CSNK2A1: variants seen among roughly 807,000 people sequenced by gnomAD.
The protein encoded by CSNK2A1 is casein kinase II subunit alpha.
Under a neutral mutation model 62.9 loss-of-function variants are expected in CSNK2A1, and 10 were observed. That is an observed-to-expected ratio of 0.16 (90% confidence interval 0.10 to 0.27). CSNK2A1 has a LOEUF of 0.27. CSNK2A1 is among the 10% of genes least tolerant of loss of function. The probability of loss-of-function intolerance (pLI) is 1.00; values close to 1 mark genes in which losing one functional copy is unlikely to be tolerated. For synonymous variants in CSNK2A1, 124 were observed against 167.8 expected, an observed-to-expected ratio of 0.74 and a Z score of 2.02; for missense variants, 160 against 492.0, an observed-to-expected ratio of 0.33 and a Z score of 6.38.
chr20:523,821 T>C (rs1235908566), intron 2 of CSNK2A1, among the ~76,000 whole-genome samples: 2 of 130,172 alleles, frequency 1.5e-5, no homozygotes, highest in Non-Finnish European at 3.1e-5. Flanking sequence ...ATCACGCCAA[T>C]GCACTCCAGC....
At chr20:505,979 A>C (rs555048122) in intron 3 of CSNK2A1, 1 of 138,914 alleles carries the variant, frequency 7.2e-6, no homozygotes, top group Non-Finnish European at 1.5e-5. Flanking sequence ...GGTTCACGCC[A>C]TTCTCCTGCC....
chr20:517,153 C>T (rs975868917), intron 2 of CSNK2A1, among the ~76,000 whole-genome samples: 1 of 152,200 alleles, frequency 6.6e-6, no homozygotes, highest in Admixed American at 6.5e-5. Flanking sequence ...ACTTTTCTAC[C>T]TTGCTACAGA....
chr20:487,185 G>C, intron 12 of CSNK2A1: 4 of 553,922 alleles, frequency 7.2e-6, no homozygotes, highest in Non-Finnish European at 1.3e-5. Context: ...GCACTGAGAA[G>C]TGTCATCCTC....
chr20:535,756 A>G (rs956472252), intron 1 of CSNK2A1, among the ~76,000 whole-genome samples: 1 of 152,096 alleles, frequency 6.6e-6, no homozygotes, highest in South Asian at 2.1e-4. Context: ...AAAAAAAAAA[A>G]AAGTTTTAAA....
At chr20:539,798 T>C (rs2019409881) in intron 1 of CSNK2A1, 1 of 152,212 alleles carries the variant, frequency 6.6e-6, no homozygotes. Flanking sequence ...CCAAATCTCA[T>C]TCATCTATTC....
rs2017978744 is a variant in CSNK2A1, at chr20:482,770, T to A, written c.*1191A>T. On this transcript the variant is annotated 3_prime_UTR_variant, in exon 14 of 14. Transcript: ENST00000217244. The stretch of plus-strand genomic sequence containing the variant: ...TCTTTCACATATGAAGGACAAAGTA[T>A]TATATATATACACACAGCAAGGGGT... The A allele has an allele frequency of 6.6e-6, 1 of 152,604 alleles. No individual in the cohort carries two copies. 9.5% of individuals were successfully genotyped at this position (152,604 alleles called of 1,614,324 possible). A position where few individuals can be genotyped will look rare whatever the true frequency, so the allele number is the denominator to read the frequency against.
intron 12 of CSNK2A1, 120 bp from the exon 13 acceptor site, chr20:486,582 C>A: frequency 9.7e-7 from 1 of 1,025,812 alleles, no homozygotes; most frequent in Non-Finnish European, 1.4e-6. Context: ...CATTATTCCC[C>A]AAAGAACTTA....
At chr20:488,650 G>A in intron 11 of CSNK2A1, 28 bp downstream of exon 11, 2 of 1,604,074 alleles carry the variant, frequency 1.2e-6, no homozygotes, top group Non-Finnish European at 1.7e-6. Context: ...TTAAGCCACA[G>A]ATGCACATAT....
chr20:538,492 T>C lies in CSNK2A1; in HGVS notation c.-227+5180A>G, dbSNP rs183393016. On this transcript the variant is annotated intron_variant, in intron 1 of 13. Coordinates refer to ENST00000217244, the MANE Select transcript of CSNK2A1 (RefSeq NM_177559.3). ...ATAACTCAAAAGAAATGGTCTCACT[T>C]CCTTCATCCTCTGACTAAAGTTTAG... 2.3e-3 allele frequency among the ~76,000 whole-genome samples: 356 copies of C among 152,374 alleles called. 2 individuals are homozygous for C. Among genetic ancestry groups the C allele is most frequent in the African/African-American group, 8.1e-3 (335 of 41,598 alleles).
intron 6 of CSNK2A1, chr20:498,195 T>C (rs1463223422): frequency 6.0e-6 from 1 of 165,666 alleles, no homozygotes; most frequent in Non-Finnish European, 1.3e-5. Flanking sequence ...CCAGTGGGTA[T>C]GCAGATGGCA....
Position 511,168 on chromosome 20 carries a change from A to C in CSNK2A1, c.-109-2508T>G, listed in dbSNP as rs551645514. Among the ~76,000 whole-genome samples the C allele has an allele frequency of 2.1e-3, 318 of 152,062 alleles. 5 individuals carry two copies. The highest frequency in any genetic ancestry group is 7.2e-3 in the African/African-American group (297 of 41,504). On this transcript the variant is annotated intron_variant, in intron 2 of 13. Coordinates refer to ENST00000217244, the MANE Select transcript of CSNK2A1 (RefSeq NM_177559.3). ...AGTCTGGGCAACATGGTAAAACCCC[A>C]TCTCTACTGAAAATACAAAAAATTA... is the stretch of plus-strand genomic sequence containing the variant.
intron 12 of CSNK2A1, 129 bp from the exon 13 acceptor site, chr20:486,591 T>A: frequency 3.2e-6 from 3 of 927,984 alleles, no homozygotes; most frequent in Non-Finnish European, 4.6e-6. Context: ...CCAAAGAACT[T>A]AAGGTGGCAA....
At chr20:533,509 A>G (rs1203948555) in intron 1 of CSNK2A1, among the ~76,000 whole-genome samples, 1 of 152,212 alleles carries the variant, frequency 6.6e-6, no homozygotes. Flanking sequence ...AGGCTGAGGC[A>G]GAAGCATCAC....
intron 9 of CSNK2A1, among the ~76,000 whole-genome samples, chr20:490,893 G>GA (rs36034582): frequency 0.03 from 3,071 of 102,136 alleles, 90 homozygotes; most frequent in African/African-American, 0.083. Context: ...TCACTTACAT[G>GA]AAAAAAAAAA....
intron 2 of CSNK2A1, among the ~76,000 whole-genome samples, chr20:525,448 C>G (rs572768385): frequency 6.6e-6 from 1 of 151,656 alleles, no homozygotes; most frequent in Non-Finnish European, 1.5e-5. Flanking sequence ...GTCAGAAGAT[C>G]GAGACCACCC....
chr20:490,660 T>C (rs1450412942), intron 9 of CSNK2A1, among the ~76,000 whole-genome samples: 2 of 151,268 alleles, frequency 1.3e-5, no homozygotes, highest in African/African-American at 2.4e-5. Context: ...TGCCTTGGCC[T>C]TTCCAAGTGC....
chr20:488,261 T>A (rs150873648), intron 11 of CSNK2A1: 2 of 183,390 alleles, frequency 1.1e-5, no homozygotes, highest in Non-Finnish European at 2.2e-5. Context: ...CAAGTGATCC[T>A]CCTAAAGTTC....
intron 4 of CSNK2A1, chr20:503,788 A>G: frequency 5.0e-6 from 2 of 397,972 alleles, no homozygotes; most frequent in Admixed American, 8.8e-5. Context: ...TACATAACCC[A>G]ACAGTAACAA....
chr20:481,504 T>C lies in CSNK2A1; in HGVS notation c.*2457A>G, dbSNP rs1401571898. ...TGCCTCCCCCCCACCCCCCACCCAA[T>C]TGGGTCTTTTTTTTTTTTCTCTCTC... On this transcript the variant is annotated 3_prime_UTR_variant, in exon 14 of 14. Coordinates refer to ENST00000217244, the MANE Select transcript of CSNK2A1 (RefSeq NM_177559.3). 9.5e-6 allele frequency: 1 copy of C among 104,946 alleles called. No individual in the cohort carries two copies. The allele number at this position is 104,946 out of a possible 1,614,324, so 6.5% of individuals were successfully genotyped here.
Sources: gnomAD v4.1 joint callset for allele counts (sites outside exome capture counted in the v4.1 genomes callset) on GRCh38, gnomAD v4.1.1 for gene constraint, MANE v1.5 for transcripts, NCBI Gene and HGNC (gene_info 2026-07-23, HGNC 2026-07-21) for gene names.